The following RBFOX1 variants were observed in gnomAD, a reference collection of about 807,000 sequenced individuals.
The protein encoded by RBFOX1 is RNA binding protein fox-1 homolog 1.
A neutral mutation model predicts 57.7 loss-of-function variants in RBFOX1; 8 were observed. The observed-to-expected ratio is 0.14, with a 90% CI of 0.08 to 0.25. The LOEUF is 0.25. Ranked by LOEUF, RBFOX1 falls within the 10% of genes least tolerant of loss-of-function variation. The pLI, the probability that RBFOX1 is intolerant of heterozygous loss-of-function variation, is 1.00. For missense variants in RBFOX1, 611 were observed against 548.5 expected (o/e 1.11, Z -1.14); for synonymous variants, 326 against 222.4 (o/e 1.47, Z -4.15).
At chr16:7,429,615 T>A (rs1056542312) in intron 4 of RBFOX1, among the ~76,000 whole-genome samples, 1 of 152,158 alleles carries the variant, frequency 6.6e-6, no homozygotes, top group Non-Finnish European at 1.5e-5. Context: ...AAAATAGTCG[T>A]CAGGTGGATG....
chr16:5,549,959 C>A (rs1567219663), intron 2 of RBFOX1, among the ~76,000 whole-genome samples: 1 of 152,164 alleles, frequency 6.6e-6, no homozygotes, highest in South Asian at 2.1e-4. Flanking sequence ...TGTGTGCGCC[C>A]ATGTGCACAG....
rs372072848 is a variant in RBFOX1 at position 5,983,767 on chromosome 16, T to G, written c.351+116432T>G. Reference sequence around the variant, plus strand: ...TCCACTCCTGGAGTCATGAGTATTCTGAACAGTGATTTTTAACAGGGCCAG... The same window carrying G: ...TCCACTCCTGGAGTCATGAGTATTCGGAACAGTGATTTTTAACAGGGCCAG... On this transcript the variant is annotated intron_variant, in intron 4 of 19. Transcript: ENST00000641259. Among the ~76,000 whole-genome samples the G allele has an allele frequency of 3.9e-5, 6 of 152,208 alleles. No homozygotes were observed. In the East Asian group the frequency reaches 1.2e-3, roughly 30 times the overall value.
chr16:5,597,247 C>G (rs751462693), intron 2 of RBFOX1, among the ~76,000 whole-genome samples: 1 of 138,376 alleles, frequency 7.2e-6, no homozygotes. Flanking sequence ...ACCCCCCTCC[C>G]GCTTTCTCTG....
chr16:6,092,192 A>T (rs543034918), intron 1 of RBFOX1, among the ~76,000 whole-genome samples: 1 of 152,348 alleles, frequency 6.6e-6, no homozygotes, highest in Admixed American at 6.5e-5. Context: ...ATAAAAGCTA[A>T]GATTTATTTA....
At chr16:5,410,047 CAAA>C (rs57923211) in intron 1 of RBFOX1, among the ~76,000 whole-genome samples, 9,700 of 114,828 alleles carry the variant, frequency 0.084, 386 homozygotes, top group Middle Eastern at 0.16. Flanking sequence ...GACTCCATCT[CAAA>C]AAAAAAAAAA....
intron 3 of RBFOX1, among the ~76,000 whole-genome samples, chr16:5,839,374 C>T (rs2056555303): frequency 6.6e-6 from 1 of 152,092 alleles, no homozygotes; most frequent in Non-Finnish European, 1.5e-5. Flanking sequence ...TTGCCAAAAG[C>T]CCTTTTCTTG....
chr16:5,242,227 A>C (rs1305971862), intron 1 of RBFOX1, among the ~76,000 whole-genome samples: 1 of 152,212 alleles, frequency 6.6e-6, no homozygotes, highest in African/African-American at 2.4e-5. Flanking sequence ...TGAAATATTT[A>C]AAAGGCAGAA....
At chr16:5,897,312 G>A (rs2058192252) in intron 4 of RBFOX1, among the ~76,000 whole-genome samples, 1 of 152,082 alleles carries the variant, frequency 6.6e-6, no homozygotes, top group Admixed American at 6.5e-5. Context: ...TGGGATTACA[G>A]GCGTGAGCCA....
At chr16:6,853,427 C>A (rs374937859) in intron 3 of RBFOX1, among the ~76,000 whole-genome samples, 1 of 152,234 alleles carries the variant, frequency 6.6e-6, no homozygotes, top group South Asian at 2.1e-4. Context: ...CTGCCCCCAG[C>A]CATTGGGCTT....
At chr16:7,515,098 C>A (rs1464734911) in intron 4 of RBFOX1, among the ~76,000 whole-genome samples, 7 of 152,194 alleles carry the variant, frequency 4.6e-5, no homozygotes. Context: ...GCCTCTGGCA[C>A]AGTGAATTTC....
intron 4 of RBFOX1, among the ~76,000 whole-genome samples, chr16:7,173,739 A>G (rs2081152672): frequency 6.6e-6 from 1 of 152,236 alleles, no homozygotes; most frequent in South Asian, 2.1e-4. Context: ...CTAATTCCAT[A>G]GGCCCATCTA....
intron 5 of RBFOX1, among the ~76,000 whole-genome samples, chr16:7,532,249 G>C (rs373437679): frequency 6.6e-6 from 1 of 151,618 alleles, no homozygotes; most frequent in East Asian, 2.0e-4. Context: ...TGGGTTAGCA[G>C]TTATGCCGGG....
rs527408635 is a variant in RBFOX1, at chr16:6,198,566, T to C, written c.-126-118429T>C. On this transcript the variant is annotated intron_variant, in intron 1 of 15. Coordinates refer to ENST00000550418, the MANE Select transcript of RBFOX1 (RefSeq NM_018723.4). ...AACCTCTGTGGGACTTAATTCATCTTCTGAAAACAAGAGATTGGATTAGAT... is the reference window on the plus strand; with the variant it reads ...AACCTCTGTGGGACTTAATTCATCTCCTGAAAACAAGAGATTGGATTAGAT... Among the ~76,000 whole-genome samples, 5 of 152,342 alleles carry C rather than the reference T, an allele frequency of 3.3e-5. No individual in the cohort carries two copies. The East Asian group carries it at 7.7e-4, about 24-fold the overall frequency.
At chr16:5,927,479 C>T (rs145132554) in intron 4 of RBFOX1, among the ~76,000 whole-genome samples, 1,768 of 152,190 alleles carry the variant, frequency 0.012, 13 homozygotes, top group Non-Finnish European at 0.017. Context: ...GAAAAGAGAA[C>T]GCTTGTACAC....
intron 3 of RBFOX1, among the ~76,000 whole-genome samples, chr16:5,845,563 C>G (rs973895880): frequency 6.6e-6 from 1 of 152,178 alleles, no homozygotes; most frequent in African/African-American, 2.4e-5. Context: ...GTTGATGACC[C>G]GGGGCAGGTG....
chr16:6,476,552 T>C (rs2095275453), intron 2 of RBFOX1, among the ~76,000 whole-genome samples: 1 of 152,232 alleles, frequency 6.6e-6, no homozygotes, highest in Non-Finnish European at 1.5e-5. Context: ...AAAAAGACTT[T>C]ATTGCTAAAA....
intron 3 of RBFOX1, among the ~76,000 whole-genome samples, chr16:6,999,200 TTTTTTATTTTTA>T (rs1340088589): frequency 4.1e-5 from 4 of 96,860 alleles, no homozygotes; most frequent in Admixed American, 1.9e-4. Context: ...TTTTATTTTA[TTTTTTATTTTTA>T]TTTATTTTTT....
At chr16:6,823,697 C>G (rs1217387024) in intron 3 of RBFOX1, among the ~76,000 whole-genome samples, 1 of 151,932 alleles carries the variant, frequency 6.6e-6, no homozygotes, top group African/African-American at 2.4e-5. Flanking sequence ...CTTTTTCATT[C>G]ATTTGTTCAT....
At chr16:7,660,064 C>T (rs1265741589) in intron 12 of RBFOX1, among the ~76,000 whole-genome samples, 1 of 152,122 alleles carries the variant, frequency 6.6e-6, no homozygotes, top group Non-Finnish European at 1.5e-5. Context: ...CAATTGTAAA[C>T]AGCCTTTTCT....
Sources: gnomAD v4.1 joint callset for allele counts (sites outside exome capture counted in the v4.1 genomes callset) on GRCh38, gnomAD v4.1.1 for gene constraint, MANE v1.5 for transcripts, NCBI Gene and HGNC (gene_info 2026-07-23, HGNC 2026-07-21) for gene names.